Variants in ELN observed in about 807,000 individuals in gnomAD.
ELN encodes elastin, also known as tropoelastin.
ELN carries 65 observed loss-of-function variants against 105.8 expected under a neutral mutation model. That is an observed-to-expected ratio of 0.61 (90% CI 0.50 to 0.75). ELN has a LOEUF of 0.75. ELN is among the 30% of genes least tolerant of loss of function. The pLI, the probability that ELN is intolerant of heterozygous loss-of-function variation, is 0.00. For synonymous variants in ELN, 368 were observed against 389.2 expected (o/e 0.95, Z 0.64); for missense variants, 882 against 969.4 (o/e 0.91, Z 1.20).
At chr7:74,046,279 G>A (rs1460780936) in intron 11 of ELN, 62 bp downstream of exon 11, 11 of 1,611,394 alleles carry the variant, frequency 6.8e-6, no homozygotes, top group South Asian at 5.5e-5. Flanking sequence ...GGCGTTGGGA[G>A]GGGTTGGGCA....
chr7:74,041,107 C>A, intron 4 of ELN, 109 bp from the exon 5 acceptor site: 1 of 1,441,790 alleles, frequency 6.9e-7, no homozygotes, highest in Non-Finnish European at 9.8e-7. Context: ...TAGGGACCAG[C>A]CTAGGGACCT....
chr7:74,064,423 A>AAT (rs60621659), intron 29 of ELN, among the ~76,000 whole-genome samples: 17,595 of 132,878 alleles, frequency 0.13, 1,261 homozygotes, highest in Non-Finnish European at 0.16. Context: ...TCAAAAAAAA[A>AAT]ATATATATAT....
At position 74,045,587 on chromosome 7, in the gene ELN, T is replaced by TA. The variant is rs552625611; in HGVS notation, c.541+300dup. On this transcript the variant is annotated intron_variant, in intron 10 of 32. Transcript: ENST00000252034. ...GACCTTATCTCTACAAAAACATGATTAAAAAATTAGCCGGACATGGTCACA... is the reference window on the plus strand; with the variant it reads ...GACCTTATCTCTACAAAAACATGATTAAAAAAATTAGCCGGACATGGTCACA... Among the ~76,000 whole-genome samples, 50 of 151,618 alleles carry TA rather than the reference T, an allele frequency of 3.3e-4. 2 individuals carry two copies. In the South Asian group the frequency reaches 0.01, roughly 31 times the overall value.
intron 1 of ELN, among the ~76,000 whole-genome samples, chr7:74,033,738 A>G (rs1221157201): frequency 6.6e-6 from 1 of 152,174 alleles, no homozygotes; most frequent in Non-Finnish European, 1.5e-5. Context: ...CTCAGAGGCC[A>G]GACGTCTGGC....
At chr7:74,047,550 G>A in intron 12 of ELN, 125 bp from the exon 13 acceptor site, 1 of 1,359,786 alleles carries the variant, frequency 7.4e-7, no homozygotes, top group Non-Finnish European at 1.1e-6. Context: ...CCTGGGAGCA[G>A]CTCAGGACCC....
intron 9 of ELN, among the ~76,000 whole-genome samples, chr7:74,044,782 G>A (rs782117034): frequency 8.5e-5 from 13 of 152,362 alleles, no homozygotes; most frequent in Non-Finnish European, 1.0e-4. Context: ...CAGGAGAGGT[G>A]GAAGACGCTG....
At position 74,055,359 on chromosome 7, in the gene ELN, T is replaced by A. The variant is rs868945888; in HGVS notation, c.1150+590T>A. Among the ~76,000 whole-genome samples, 4 of 151,870 alleles carry A rather than the reference T, an allele frequency of 2.6e-5. No individual in the cohort carries two copies. The South Asian group carries it at 8.3e-4, about 32-fold the overall frequency. On this transcript the variant is annotated intron_variant, in intron 19 of 32. Transcript: ENST00000252034. Reference sequence around the variant, plus strand: ...GGGAGGTCAAGGCAGGAGGATTGCTTGAGGCCAGGAGTTTGAGACCAGCCT... The same window carrying A: ...GGGAGGTCAAGGCAGGAGGATTGCTAGAGGCCAGGAGTTTGAGACCAGCCT...
At chr7:74,066,673 A>T (rs1554689510) in intron 31 of ELN, 59 bp from the exon 32 acceptor site, 2 of 1,576,942 alleles carry the variant, frequency 1.3e-6, no homozygotes, top group African/African-American at 1.3e-5. Context: ...GCAGAAAGTG[A>T]TGAGGCTGGA....
At chr7:74,059,309 G>A (rs1452113078) in intron 22 of ELN, among the ~76,000 whole-genome samples, 1 of 152,166 alleles carries the variant, frequency 6.6e-6, no homozygotes, top group African/African-American at 2.4e-5. Flanking sequence ...AAGCCTTTCT[G>A]TCTTACAAAG....
In ELN at chr7:74,061,237, C is replaced by T. The variant is rs139064428; in HGVS notation, c.1786+98C>T. ...TCACAATAGAAAAAGGCAGTTTCGG[C>T]CGGGCGTGGTGGCTCACACCTGTAA... is the stretch of plus-strand genomic sequence containing the variant. On this transcript the variant is annotated intron_variant, in intron 26 of 32. Transcript: ENST00000252034. 848 of 1,519,354 alleles carry T rather than the reference C, an allele frequency of 5.6e-4. 6 individuals are homozygous for T. The African/African-American group carries it at 9.3e-3, about 17-fold the overall frequency. The allele number at this position is 1,519,354 out of a possible 1,614,324, so 94.1% of individuals were successfully genotyped here. A position where few individuals can be genotyped will look rare whatever the true frequency, so the allele number is the denominator to read the frequency against.
intron 10 of ELN, 125 bp from the exon 11 acceptor site, chr7:74,046,063 G>A (rs1011319370): frequency 4.5e-6 from 6 of 1,326,114 alleles, no homozygotes; most frequent in South Asian, 1.2e-5. Context: ...GAGTTCATGT[G>A]AGCGCAGCAT....
chr7:74,046,007 C>A, intron 10 of ELN, 181 bp from the exon 11 acceptor site: 2 of 784,624 alleles, frequency 2.5e-6, no homozygotes, highest in Non-Finnish European at 4.1e-6. Context: ...TCCACCCCAG[C>A]CTGGGCGACA....
chr7:74,066,874 C>T, intron 32 of ELN, 98 bp downstream of exon 32: 3 of 1,355,442 alleles, frequency 2.2e-6, no homozygotes, highest in Non-Finnish European at 2.1e-6. Context: ...GCTGAGCCAG[C>T]ACCCAGGGGT....
chr7:74,065,840 T>G, intron 30 of ELN, 104 bp from the exon 31 acceptor site: 1 of 1,609,788 alleles, frequency 6.2e-7, no homozygotes, highest in Non-Finnish European at 8.5e-7. Context: ...CCCCTACCCC[T>G]GAAGATCTTG....
intron 23 of ELN, 33 bp downstream of exon 23, chr7:74,060,080 C>A: frequency 6.2e-7 from 1 of 1,614,120 alleles, no homozygotes; most frequent in East Asian, 2.2e-5. Flanking sequence ...CCTGAGGGGC[C>A]CCCGAAGCCT....
chr7:74,043,972 G>T (rs368539661), intron 9 of ELN, 52 bp downstream of exon 9: 24 of 1,607,054 alleles, frequency 1.5e-5, no homozygotes, highest in Non-Finnish European at 2.0e-5. Flanking sequence ...CAGCCAGGAC[G>T]CAGTGGCTCA....
At chr7:74,056,125 G>A in intron 19 of ELN, 146 bp from the exon 20 acceptor site, 1 of 1,036,426 alleles carries the variant, frequency 9.6e-7, no homozygotes, top group Non-Finnish European at 1.5e-6. Flanking sequence ...GAGGTGCTGG[G>A]GACCCAGGCA....
chr7:74,066,148 TGGGCAAAC>T (rs1201816254), intron 31 of ELN, 151 bp downstream of exon 31: 23 of 1,134,384 alleles, frequency 2.0e-5, no homozygotes, highest in Non-Finnish European at 2.9e-5. Context: ...GCAGATGTAC[TGGGCAAAC>T]GGGCAAGCTA....
rs200810494 is a variant in ELN at position 74,036,580 on chromosome 7, A to T, written c.159A>T (p.Gly53=). 3.9e-5 allele frequency: 63 copies of T among 1,613,970 alleles called. 1 individual carries two copies. The Middle Eastern group carries it at 9.9e-4, about 25-fold the overall frequency. ...GGGCTGGTCTCGGAGCCCTTGGAGG[A>T]GGAGGTGAGCTCAGAAACCACACTT... is the stretch of plus-strand genomic sequence containing the variant. ...YPGAGLGALG[G]GALGPGGKPL... The change falls in exon 3 of 33, where the codon GGA becomes GGT. Residue 53 remains glycine, a synonymous_variant. Transcript: ENST00000252034.
Sources: allele counts gnomAD v4.1 joint callset (sites outside exome capture counted in the v4.1 genomes callset), GRCh38; gene constraint gnomAD v4.1.1; transcripts MANE v1.5; gene names NCBI Gene and HGNC (gene_info 2026-07-23, HGNC 2026-07-21).